Variants in DOCK8 observed in about 807,000 individuals in gnomAD.
The protein encoded by DOCK8 is dedicator of cytokinesis protein 8.
A neutral mutation model predicts 245.6 loss-of-function variants in DOCK8; 141 were observed. The observed-to-expected ratio is 0.57, with a 90% CI of 0.50 to 0.66. The LOEUF is 0.66. DOCK8 is among the 30% of genes least tolerant of loss of function. The probability of loss-of-function intolerance (pLI) is 0.00; values close to 1 mark genes in which losing one functional copy is unlikely to be tolerated. For synonymous variants in DOCK8, 1,168 were observed against 970.2 expected (o/e 1.20, Z -3.79); for missense variants, 2,965 against 2,603.4 (o/e 1.14, Z -3.02).
rs2053227203 is a variant in DOCK8, at chr9:370,301, G to A, written c.1868+1G>A. 1 of 1,613,606 alleles carries A rather than the reference G, an allele frequency of 6.2e-7. No individual in the cohort carries two copies. The highest frequency in any genetic ancestry group is 1.7e-5 in the Admixed American group (1 of 60,000). ...ACACAGCTGTTACATACCATAATAA[G>A]TAAGTCTATTTCAGCATTCTAAATA... On this transcript the variant is annotated splice_donor_variant, in intron 16 of 47. Transcript: ENST00000432829. LOFTEE classifies it high-confidence loss of function.
intron 47 of DOCK8, 67 bp from the exon 48 acceptor site, chr9:464,092 C>G (rs2057899315): frequency 3.7e-6 from 5 of 1,368,692 alleles, no homozygotes; most frequent in Non-Finnish European, 5.2e-6. Context: ...TTCTAAAAGG[C>G]TAACTGATCT....
chr9:453,208 A>C (rs1297498307), intron 46 of DOCK8, among the ~76,000 whole-genome samples: 2 of 152,214 alleles, frequency 1.3e-5, no homozygotes, highest in African/African-American at 4.8e-5. Context: ...GCAGTGAATC[A>C]CAGCCGCTTG....
At chr9:347,713 C>G (rs1248214878) in intron 14 of DOCK8, among the ~76,000 whole-genome samples, 1 of 152,150 alleles carries the variant, frequency 6.6e-6, no homozygotes. Flanking sequence ...ATTTCTGGTG[C>G]TAGTTGCAAC....
rs1450432965 is a variant in DOCK8, at chr9:407,007, G to T, written c.3468G>T (p.Gln1156His). The T allele has an allele frequency of 3.7e-6, 6 of 1,614,038 alleles. No individual in the cohort carries two copies. The highest frequency in any genetic ancestry group is 5.1e-6 in the Non-Finnish European group (6 of 1,180,050). Residue 1156 changes from glutamine (Q) to histidine (H), a missense_variant, in exon 28 of 48, where the codon CAG becomes CAT. Gln to His is a conservative substitution (Grantham distance 24, BLOSUM62 0). This residue lies in a region of DOCK8 where 2,825 missense variants were observed against 2,453.5 expected (regional missense o/e 1.15). Transcript: ENST00000432829. ...MFDLTSEYRQQHFLTGLLFTE... is the reference protein window; with the variant it reads ...MFDLTSEYRQHHFLTGLLFTE... The stretch of plus-strand genomic sequence containing the variant: ...ATCTGACTTCCGAGTACCGCCAGCA[G>T]CACTTCCTCACCGGGCTCCTCTTCA...
chr9:322,626 A>G lies in DOCK8; in HGVS notation c.828-3045A>G, dbSNP rs182817156. Among the ~76,000 whole-genome samples, 16 of 152,374 alleles carry G rather than the reference A, an allele frequency of 1.1e-4. No homozygotes were observed. In the East Asian group the frequency reaches 2.7e-3, roughly 26 times the overall value. ...AAGCACTTATTATAACACAATTTTA[A>G]GTCTTTAATAAATGTCAATTCTCTT... On this transcript the variant is annotated intron_variant, in intron 7 of 47. Transcript: ENST00000432829.
At chr9:347,481 G>T (rs1249977897) in intron 14 of DOCK8, among the ~76,000 whole-genome samples, 1 of 152,150 alleles carries the variant, frequency 6.6e-6, no homozygotes, top group African/African-American at 2.4e-5. Context: ...CCTCCAGCCT[G>T]GGCAACAGAG....
intron 4 of DOCK8, among the ~76,000 whole-genome samples, chr9:303,229 A>G (rs868739672): frequency 2.0e-5 from 3 of 152,124 alleles, no homozygotes; most frequent in Non-Finnish European, 2.9e-5. Context: ...CAGTGTGAAG[A>G]TTTCTGAAAG....
At position 334,299 on chromosome 9, in the gene DOCK8, C is replaced by T; in HGVS notation, c.1200C>T (p.Pro400=). The T allele has an allele frequency of 1.2e-6, 2 of 1,614,206 alleles. No homozygotes were observed. Among genetic ancestry groups the T allele is most frequent in the East Asian group, 4.5e-5 (2 of 44,884 alleles). Residue 400 remains proline (P), a synonymous_variant, in exon 11 of 48, where the codon CCC becomes CCT. Coordinates refer to ENST00000432829, the MANE Select transcript of DOCK8 (RefSeq NM_203447.4). ...FCQRLGKYRM[P]FAWAPISLSS... ...AGCGTTTGGGGAAATACCGGATGCC[C>T]TTTGCCTGGGCACCCATAAGCTTAT...
chr9:423,881 C>T (rs1376364009), intron 33 of DOCK8, among the ~76,000 whole-genome samples: 1 of 152,126 alleles, frequency 6.6e-6, no homozygotes, highest in Non-Finnish European at 1.5e-5. Flanking sequence ...TTTGCCTGGG[C>T]TGTGTAAACT....
At chr9:360,346 T>C (rs1364599244) in intron 14 of DOCK8, among the ~76,000 whole-genome samples, 1 of 149,708 alleles carries the variant, frequency 6.7e-6, no homozygotes, top group Non-Finnish European at 1.5e-5. Flanking sequence ...AAGAATAAAA[T>C]AGAAACACTG....
chr9:233,120 G>C (rs2047158357), intron 1 of DOCK8, among the ~76,000 whole-genome samples: 1 of 152,036 alleles, frequency 6.6e-6, no homozygotes, highest in South Asian at 2.1e-4. Flanking sequence ...TGGTTTCAAA[G>C]AACATCTTTA....
At chr9:277,584 G>C (rs1220690919) in intron 2 of DOCK8, among the ~76,000 whole-genome samples, 1 of 151,872 alleles carries the variant, frequency 6.6e-6, no homozygotes, top group African/African-American at 2.4e-5. Flanking sequence ...AGAGAAGAAA[G>C]AGTTAGGATC....
intron 42 of DOCK8, 90 bp from the exon 43 acceptor site, chr9:443,337 A>C: frequency 8.1e-7 from 1 of 1,232,436 alleles, no homozygotes; most frequent in Non-Finnish European, 1.2e-6. Flanking sequence ...TCTACCTTGC[A>C]CTTGCTCCAA....
chr9:433,828 C>G, intron 37 of DOCK8, 47 bp from the exon 38 acceptor site: 1 of 1,469,092 alleles, frequency 6.8e-7, no homozygotes, highest in Non-Finnish European at 9.5e-7. Flanking sequence ...AACTCTTCAC[C>G]TGGGACTACA....
chr9:223,032 A>G (rs2046918790), intron 1 of DOCK8, among the ~76,000 whole-genome samples: 1 of 152,122 alleles, frequency 6.6e-6, no homozygotes, highest in African/African-American at 2.4e-5. Flanking sequence ...GACCTCTTTC[A>G]TACTTTTTTT....
intron 1 of DOCK8, among the ~76,000 whole-genome samples, chr9:232,600 C>G (rs574866446): frequency 1.3e-5 from 2 of 152,112 alleles, no homozygotes; most frequent in Non-Finnish European, 2.9e-5. Flanking sequence ...TTCAGAGATT[C>G]AACTTCTTCC....
At chr9:420,297 A>C in intron 30 of DOCK8, 104 bp from the exon 31 acceptor site, 1 of 1,242,092 alleles carries the variant, frequency 8.1e-7, no homozygotes, top group Non-Finnish European at 1.2e-6. Context: ...ATGGTATTTT[A>C]AGAGAACACT....
chr9:345,207 C>T (rs551191239), intron 14 of DOCK8, among the ~76,000 whole-genome samples: 1 of 152,166 alleles, frequency 6.6e-6, no homozygotes, highest in African/African-American at 2.4e-5. Flanking sequence ...TACCTGTATC[C>T]CTTAAGGAAA....
At chr9:239,633 G>A (rs1393474883) in intron 1 of DOCK8, among the ~76,000 whole-genome samples, 1 of 152,118 alleles carries the variant, frequency 6.6e-6, no homozygotes, top group Non-Finnish European at 1.5e-5. Context: ...TACAAAAGCT[G>A]TATATATAAA....
Sources: gnomAD v4.1 joint callset for allele counts (sites outside exome capture counted in the v4.1 genomes callset) on GRCh38, gnomAD v4.1.1 for gene constraint, gnomAD v4.1.1 regional missense constraint, MANE v1.5 for transcripts, NCBI Gene and HGNC (gene_info 2026-07-23, HGNC 2026-07-21) for gene names.